CNOT2: variants seen among roughly 807,000 people sequenced by gnomAD.
CNOT2 encodes the protein CCR4-NOT transcription complex subunit 2, also known as CC chemokine receptor 4-negative regulator of transcription 2.
A neutral mutation model predicts 72.1 loss-of-function variants in CNOT2; 7 were observed. That is an observed-to-expected ratio of 0.10 (90% CI 0.06 to 0.18). The LOEUF (loss-of-function observed/expected upper bound fraction) is 0.18, where lower values mean the gene tolerates loss of function less well. Among genes scored for constraint, CNOT2 ranks in the 10% least tolerant of loss-of-function variants. The pLI, the probability that CNOT2 is intolerant of heterozygous loss-of-function variation, is 1.00. For synonymous variants in CNOT2, 196 were observed against 225.6 expected (o/e 0.87, Z 1.17); for missense variants, 345 against 660.3 (o/e 0.52, Z 5.23).
At chr12:70,320,556 G>A (rs969209292) in intron 4 of CNOT2, among the ~76,000 whole-genome samples, 2 of 151,586 alleles carry the variant, frequency 1.3e-5, no homozygotes, top group Non-Finnish European at 3.0e-5. Flanking sequence ...TAAAAAAATT[G>A]TTTATCTACA....
chr12:70,328,394 T>A (rs533886169), intron 4 of CNOT2, among the ~76,000 whole-genome samples: 1 of 151,848 alleles, frequency 6.6e-6, no homozygotes, highest in Non-Finnish European at 1.5e-5. Context: ...TTATTTAATC[T>A]CCAGTTCAGA....
At chr12:70,255,725 CT>C (rs1297912407) in intron 1 of CNOT2, among the ~76,000 whole-genome samples, 7 of 152,140 alleles carry the variant, frequency 4.6e-5, no homozygotes, top group African/African-American at 1.7e-4. Flanking sequence ...AAAACATATA[CT>C]GAAACTCTAG....
In CNOT2 at chr12:70,298,076, A is replaced by G. The variant is rs554582624; in HGVS notation, c.49-12819A>G. On this transcript the variant is annotated intron_variant, in intron 2 of 15. Coordinates refer to ENST00000229195, the MANE Select transcript of CNOT2 (RefSeq NM_014515.7). ...TAATTGGTATAATAGTATTTCTTTT[A>G]AGCATAACTTCATTTTCAAATTAAT... is the stretch of plus-strand genomic sequence containing the variant. Among the ~76,000 whole-genome samples, 16 of 152,296 alleles carry G rather than the reference A, an allele frequency of 1.1e-4. No homozygotes were observed. In the South Asian group the frequency reaches 3.3e-3, roughly 32 times the overall value.
At chr12:70,299,271 G>A (rs1244427328) in intron 2 of CNOT2, among the ~76,000 whole-genome samples, 68 of 151,790 alleles carry the variant, frequency 4.5e-4, no homozygotes, top group African/African-American at 1.5e-3. Context: ...TGTGCACAAC[G>A]TGCAGGTTTG....
chr12:70,318,346 G>T (rs773865046), intron 3 of CNOT2, among the ~76,000 whole-genome samples: 1 of 151,796 alleles, frequency 6.6e-6, no homozygotes, highest in Non-Finnish European at 1.5e-5. Flanking sequence ...CACTGTTTAT[G>T]TTCTCTAATA....
intron 2 of CNOT2, among the ~76,000 whole-genome samples, chr12:70,289,366 ATAT>A: frequency 6.6e-6 from 1 of 152,002 alleles, no homozygotes; most frequent in Non-Finnish European, 1.5e-5. Flanking sequence ...TCTCTGGCTA[ATAT>A]TAAGATTTTT....
chr12:70,280,193 T>C (rs1235261351), intron 2 of CNOT2, among the ~76,000 whole-genome samples: 1 of 152,142 alleles, frequency 6.6e-6, no homozygotes, highest in Non-Finnish European at 1.5e-5. Flanking sequence ...TTTCTATACA[T>C]GTGCTTTTCA....
At chr12:70,345,955 AGT>A (rs1882110771) in intron 14 of CNOT2, 1 of 387,666 alleles carries the variant, frequency 2.6e-6, no homozygotes, top group Admixed American at 4.4e-5. Context: ...GTTAAATAAA[AGT>A]GTGTGTATTA....
intron 11 of CNOT2, among the ~76,000 whole-genome samples, chr12:70,340,934 C>T (rs903255962): frequency 2.2e-5 from 3 of 137,838 alleles, no homozygotes; most frequent in South Asian, 4.6e-4. Context: ...TTGCTCTTGT[C>T]GCCCAGGCTG....
At chr12:70,320,948 G>T (rs1483430562) in intron 4 of CNOT2, among the ~76,000 whole-genome samples, 1 of 151,786 alleles carries the variant, frequency 6.6e-6, no homozygotes, top group East Asian at 1.9e-4. Context: ...TGTTTAAAAT[G>T]CAGTTATATC....
At chr12:70,312,117 T>C (rs1876569181) in intron 3 of CNOT2, among the ~76,000 whole-genome samples, 1 of 151,986 alleles carries the variant, frequency 6.6e-6, no homozygotes, top group Non-Finnish European at 1.5e-5. Flanking sequence ...TGTGGCTTTG[T>C]TGATAATTAG....
intron 2 of CNOT2, among the ~76,000 whole-genome samples, chr12:70,280,272 A>G (rs1415561161): frequency 6.6e-6 from 1 of 152,166 alleles, no homozygotes; most frequent in Non-Finnish European, 1.5e-5. Context: ...GTATACTTCA[A>G]TATGCATTTA....
At chr12:70,271,944 C>G (rs1036452953) in intron 1 of CNOT2, among the ~76,000 whole-genome samples, 3 of 152,174 alleles carry the variant, frequency 2.0e-5, no homozygotes, top group Admixed American at 6.5e-5. Flanking sequence ...AAGTTAATTA[C>G]TAATCCTACA....
intron 2 of CNOT2, among the ~76,000 whole-genome samples, chr12:70,295,368 A>G (rs1360347253): frequency 6.6e-6 from 1 of 151,968 alleles, no homozygotes; most frequent in Non-Finnish European, 1.5e-5. Context: ...TTTTTTCTTG[A>G]GTTTTTTAGA....
intron 2 of CNOT2, among the ~76,000 whole-genome samples, chr12:70,292,222 G>A (rs1872040951): frequency 6.6e-6 from 1 of 152,166 alleles, no homozygotes; most frequent in African/African-American, 2.4e-5. Flanking sequence ...CATCAGCTCT[G>A]TGGTGATGTG....
chr12:70,299,519 C>T (rs1349956910), intron 2 of CNOT2, among the ~76,000 whole-genome samples: 2 of 152,120 alleles, frequency 1.3e-5, no homozygotes, highest in Non-Finnish European at 2.9e-5. Flanking sequence ...TAATGGTTTC[C>T]AGCTTCATCC....
At chr12:70,327,858 G>A (rs753014768) in intron 4 of CNOT2, 7 of 151,846 alleles carry the variant, frequency 4.6e-5, no homozygotes. Flanking sequence ...CACCTAGAAA[G>A]CCTCAAAGAA....
chr12:70,328,486 T>C (rs1289576216), intron 4 of CNOT2, among the ~76,000 whole-genome samples: 6 of 151,918 alleles, frequency 3.9e-5, no homozygotes, highest in Non-Finnish European at 5.9e-5. Flanking sequence ...GGGAGAGGAA[T>C]TCGTAGACAG....
At chr12:70,312,115 T>C (rs1377668382) in intron 3 of CNOT2, among the ~76,000 whole-genome samples, 1 of 151,992 alleles carries the variant, frequency 6.6e-6, no homozygotes, top group African/African-American at 2.4e-5. Flanking sequence ...GTTGTGGCTT[T>C]GTTGATAATT....
Sources: allele counts gnomAD v4.1 joint callset (sites outside exome capture counted in the v4.1 genomes callset), GRCh38; gene constraint gnomAD v4.1.1; transcripts MANE v1.5; gene names NCBI Gene and HGNC (gene_info 2026-07-23, HGNC 2026-07-21).